ADGRE5: variants seen among roughly 807,000 people sequenced by gnomAD.
ADGRE5 encodes the protein CD97 molecule.
Under a neutral mutation model 100.3 loss-of-function variants are expected in ADGRE5, and 72 were observed. That is an observed-to-expected ratio of 0.72 (90% CI 0.59 to 0.87). ADGRE5 has a LOEUF of 0.87. Among genes scored for constraint, ADGRE5 ranks in the 40% least tolerant of loss-of-function variants. ADGRE5 has a pLI of 0.00. For missense variants in ADGRE5, 959 were observed against 1,094.7 expected, an observed-to-expected ratio of 0.88 and a Z score of 1.75; for synonymous variants, 439 against 447.8, an observed-to-expected ratio of 0.98 and a Z score of 0.25.
chr19:14,399,292 G>A (rs906775015), intron 9 of ADGRE5, among the ~76,000 whole-genome samples: 10 of 151,764 alleles, frequency 6.6e-5, no homozygotes, highest in Non-Finnish European at 1.0e-4. Context: ...GCCAAGCACG[G>A]TGGCTCACGC....
chr19:14,405,971 T>A (rs1363271547), intron 14 of ADGRE5, 32 bp downstream of exon 14: 4 of 1,574,806 alleles, frequency 2.5e-6, no homozygotes, highest in Non-Finnish European at 3.4e-6. Flanking sequence ...TCCTGAGCTC[T>A]GGGGTCAGGG....
rs1305745543 is a variant in ADGRE5, at chr19:14,406,804, C to T, written c.2115+38C>T. 3 of 1,612,448 alleles carry T rather than the reference C, an allele frequency of 1.9e-6. No individual in the cohort carries two copies. Among genetic ancestry groups the T allele is most frequent in the Non-Finnish European group, 2.5e-6 (3 of 1,178,408 alleles). ...TCTCCCTCCACCGAAGCCCGAGCGC[C>T]ACAGGCCCAGGCCCGGCTGGACCAT... is the stretch of plus-strand genomic sequence containing the variant. On this transcript the variant is annotated intron_variant, in intron 16 of 19. Transcript: ENST00000242786. The surrounding 1 kb of genome is among the most constrained non-coding windows in gnomAD (Gnocchi z 6.0).
Position 14,406,590 on chromosome 19 carries a change from G to T in ADGRE5, c.2048+33G>T. On this transcript the variant is annotated intron_variant, in intron 15 of 19. Coordinates refer to ENST00000242786, the MANE Select transcript of ADGRE5 (RefSeq NM_078481.4). The surrounding 1 kb of genome is among the most constrained non-coding windows in gnomAD (Gnocchi z 6.0). ...CAGCGAGATGGGGCAGGAGGAAGGCGGGGTGCTGGGCCTGGGGCTCACAGG... is the reference window on the plus strand; with the variant it reads ...CAGCGAGATGGGGCAGGAGGAAGGCTGGGTGCTGGGCCTGGGGCTCACAGG... 6.2e-7 allele frequency: 1 copy of T among 1,604,440 alleles called. No homozygotes were observed.
chr19:14,407,364 A>G, intron 18 of ADGRE5, 135 bp downstream of exon 18: 1 of 1,033,148 alleles, frequency 9.7e-7, no homozygotes, highest in Non-Finnish European at 1.4e-6. Flanking sequence ...TTACAAAAAA[A>G]TTCAAAGATA....
At position 14,402,654 on chromosome 19, in the gene ADGRE5, C is replaced by T; in HGVS notation, c.1241C>T (p.Ala414Val). 6 of 1,614,072 alleles carry T rather than the reference C, an allele frequency of 3.7e-6. No homozygotes were observed. Among genetic ancestry groups the T allele is most frequent in the African/African-American group, 1.3e-5 (1 of 75,032 alleles). ...IQNMTTLLAN[A>V]SLNLHSKKQA... ...AACATGACGACATTGCTGGCCAATG[C>T]CTCCTTGAACCTGCATTCCAAGAAG... Residue 414 changes from alanine to valine, a missense_variant, in exon 12 of 20, where the codon GCC becomes GTC. This residue lies in a region of ADGRE5 where 246 missense variants were observed against 242.2 expected (regional missense o/e 1.02). Transcript: ENST00000242786.
At chr19:14,396,070 C>T (rs1975764640) in intron 4 of ADGRE5, among the ~76,000 whole-genome samples, 1 of 152,200 alleles carries the variant, frequency 6.6e-6, no homozygotes, top group South Asian at 2.1e-4. Context: ...GCCCGGAATC[C>T]TTAGGCTGGG....
At position 14,404,361 on chromosome 19, in the gene ADGRE5, GAC is replaced by G; in HGVS notation, c.1450-21_1450-20del. On this transcript the variant is annotated intron_variant, in intron 12 of 19. Transcript: ENST00000242786. ...GAGTGAGCTCCAGGCCAACCTTTCT[GAC>G]CACCCCCATCTGCCCACAGGACGTG... is the stretch of plus-strand genomic sequence containing the variant. 6.3e-7 allele frequency: 1 copy of G among 1,596,864 alleles called. No homozygotes were observed. The highest frequency in any genetic ancestry group is 8.5e-7 in the Non-Finnish European group (1 of 1,173,660).
rs576612924 is a variant in ADGRE5 at position 14,383,136 on chromosome 19, G to A, written c.22+1591G>A. Among the ~76,000 whole-genome samples the A allele has an allele frequency of 5.6e-4, 86 of 152,278 alleles. No homozygotes were observed. The Middle Eastern group carries it at 0.024, about 42-fold the overall frequency. On this transcript the variant is annotated intron_variant, in intron 1 of 19. Transcript: ENST00000242786. ...GAGGATCCCTTGAGCCCAGGAGGTT[G>A]AAGCTGCAGTGAGCTGTGTTTGCAC...
intron 3 of ADGRE5, among the ~76,000 whole-genome samples, chr19:14,389,105 C>T (rs1975467035): frequency 9.0e-6 from 1 of 111,240 alleles, no homozygotes; most frequent in South Asian, 3.2e-4. Context: ...GATTGCACCA[C>T]TGCACTCTAG....
At chr19:14,396,097 C>T (rs1975765677) in intron 4 of ADGRE5, among the ~76,000 whole-genome samples, 1 of 152,202 alleles carries the variant, frequency 6.6e-6, no homozygotes, top group South Asian at 2.1e-4. Context: ...ATGGCTGGGA[C>T]ACCCCAGCTT....
rs1254206043 is a variant in ADGRE5 at position 14,396,473 on chromosome 19, G to T, written c.478G>T (p.Asp160Tyr). 1 of 1,614,226 alleles carries T rather than the reference G, an allele frequency of 6.2e-7. No homozygotes were observed. Among genetic ancestry groups the T allele is most frequent in the South Asian group, 1.1e-5 (1 of 91,090 alleles). ...FIPEDPKVCT[D>Y]VNECTSGQNP... Reference sequence around the variant, plus strand: ...ACCTGAGGATCCGAAGGTCTGCACAGGTAGAGGCCCCAGGAAGACGCCGTG... The same window carrying T: ...ACCTGAGGATCCGAAGGTCTGCACATGTAGAGGCCCCAGGAAGACGCCGTG... The change falls in exon 5 of 20, where the codon GAT (aspartate) becomes TAT (tyrosine). Residue 160 changes from aspartate (D) to tyrosine (Y), a missense_variant and splice_region_variant. Transcript: ENST00000242786.
At chr19:14,391,703 C>T (rs1233774075) in intron 4 of ADGRE5, among the ~76,000 whole-genome samples, 2 of 152,132 alleles carry the variant, frequency 1.3e-5, no homozygotes, top group African/African-American at 4.8e-5. Flanking sequence ...AGCCCCTGCA[C>T]TCCAGCCTGA....
intron 9 of ADGRE5, chr19:14,398,340 A>G (rs1647396071): frequency 1.7e-6 from 1 of 581,676 alleles, no homozygotes; most frequent in Non-Finnish European, 3.1e-6. Flanking sequence ...ACACACACAC[A>G]CCAGGTATAA....
Position 14,401,716 on chromosome 19 carries a change from G to C in ADGRE5, c.1139G>C (p.Arg380Pro). ...GTCACTATGGGTCAGAGCAGCGCACGCATGAAGCTGAATTGGGCTGTGGCA... is the reference window on the plus strand; with the variant it reads ...GTCACTATGGGTCAGAGCAGCGCACCCATGAAGCTGAATTGGGCTGTGGCA... ...KNVTMGQSSA[R>P]MKLNWAVAAG... Residue 380 changes from arginine (R) to proline (P), a missense_variant, in exon 11 of 20, where the codon CGC becomes CCC. Physicochemically the swap from Arg to Pro is moderately radical, Grantham distance 103. Transcript: ENST00000242786. The surrounding 1 kb of genome is among the most constrained non-coding windows in gnomAD (Gnocchi z 4.1). 3 of 1,578,988 alleles carry C rather than the reference G, an allele frequency of 1.9e-6. No individual in the cohort carries two copies. Among genetic ancestry groups the C allele is most frequent in the Non-Finnish European group, 2.6e-6 (3 of 1,162,900 alleles).
Position 14,402,862 on chromosome 19 carries a change from G to A in ADGRE5, c.1449G>A (p.Lys483=). The change falls in exon 12 of 20, where the codon AAG becomes AAA. Residue 483 remains lysine, a splice_region_variant and synonymous_variant. Coordinates refer to ENST00000242786, the MANE Select transcript of ADGRE5 (RefSeq NM_078481.4). ...DGEAGRDPPA[K]DVMPGPRQEL... Reference sequence around the variant, plus strand: ...AGGCGGGAAGAGACCCTCCTGCCAAGGTCTCTGCTCACTCTGCTCACTTCC... The same window carrying A: ...AGGCGGGAAGAGACCCTCCTGCCAAAGTCTCTGCTCACTCTGCTCACTTCC... The A allele has an allele frequency of 6.2e-7, 1 of 1,613,750 alleles. No homozygotes were observed. Among genetic ancestry groups the A allele is most frequent in the Non-Finnish European group, 8.5e-7 (1 of 1,179,958 alleles).
In ADGRE5 at chr19:14,408,626, T is replaced by G; in HGVS notation, c.*505T>G. The G allele has an allele frequency of 2.2e-6, 1 of 452,020 alleles. No homozygotes were observed. Among genetic ancestry groups the G allele is most frequent in the Non-Finnish European group, 3.9e-6 (1 of 256,804 alleles). 28.0% of individuals were successfully genotyped at this position (452,020 alleles called of 1,614,324 possible). On this transcript the variant is annotated 3_prime_UTR_variant, in exon 20 of 20. Coordinates refer to ENST00000242786, the MANE Select transcript of ADGRE5 (RefSeq NM_078481.4). Reference sequence around the variant, plus strand: ...CTGCCCTGCCTGGCCGGGCAGGAGGTTCTCACTGTTGTGAAGGTTGTAGAC... The same window carrying G: ...CTGCCCTGCCTGGCCGGGCAGGAGGGTCTCACTGTTGTGAAGGTTGTAGAC...
chr19:14,408,101 G>A lies in ADGRE5; in HGVS notation c.2488G>A (p.Ala830Thr), dbSNP rs147788187. ...TGHNQTRALR[A>T]SESGI ...GGGCTCTCCTCTCCAGGCCCTCAGG[G>A]CATCAGAGTCCGGCATATGAAGGCG... The change falls in exon 20 of 20, where the codon GCA (alanine) becomes ACA (threonine). Residue 830 changes from alanine to threonine, a missense_variant. Transcript: ENST00000242786. 271 of 1,613,748 alleles carry A rather than the reference G, an allele frequency of 1.7e-4. No homozygotes were observed. In the African/African-American group the frequency reaches 3.1e-3, roughly 18 times the overall value.
rs964574769 is a variant in ADGRE5, at chr19:14,406,085, C to CG, written c.1821+152dup. On this transcript the variant is annotated intron_variant, in intron 14 of 19. Transcript: ENST00000242786. The surrounding 1 kb of genome is among the most constrained non-coding windows in gnomAD (Gnocchi z 6.0). ...CTGTCCGGGATCTGGCCCCGCCCAC[C>CG]GGGGGGTCGGGTTGTCTCTTTAAAG... 1.2e-5 allele frequency: 9 copies of CG among 760,368 alleles called. No homozygotes were observed. Among genetic ancestry groups the CG allele is most frequent in the African/African-American group, 7.1e-5 (4 of 56,508 alleles). The allele number at this position is 760,368 out of a possible 1,614,324, so 47.1% of individuals were successfully genotyped here.
intron 4 of ADGRE5, 33 bp from the exon 5 acceptor site, chr19:14,396,309 C>T (rs368847648): frequency 9.9e-5 from 160 of 1,614,076 alleles, no homozygotes; most frequent in Non-Finnish European, 1.2e-4. Context: ...CTCACAGCTA[C>T]GGGCATCCTT....
Sources: gnomAD v4.1 joint callset for allele counts (sites outside exome capture counted in the v4.1 genomes callset) on GRCh38, gnomAD v4.1.1 for gene constraint, gnomAD v4.1.1 regional missense constraint, Gnocchi (gnomAD v3.1) non-coding constraint, MANE v1.5 for transcripts, NCBI Gene and HGNC (gene_info 2026-07-23, HGNC 2026-07-21) for gene names.